Variants in ADAMTS16 observed in about 807,000 individuals in gnomAD.
ADAMTS16 encodes the protein ADAM metallopeptidase with thrombospondin type 1 motif 16.
A neutral mutation model predicts 145.8 loss-of-function variants in ADAMTS16; 94 were observed. That is an observed-to-expected ratio of 0.64 (90% CI 0.55 to 0.77). The LOEUF (loss-of-function observed/expected upper bound fraction) is 0.77, where lower values mean the gene tolerates loss of function less well. Among genes scored for constraint, ADAMTS16 ranks in the 30% least tolerant of loss-of-function variants. ADAMTS16 has a pLI of 0.00. For synonymous variants in ADAMTS16, 659 were observed against 604.3 expected, an observed-to-expected ratio of 1.09 and a Z score of -1.33; for missense variants, 1,585 against 1,591.5, an observed-to-expected ratio of 1.00 and a Z score of 0.07.
chr5:5,262,586 A>C (rs1738070025), intron 17 of ADAMTS16, 71 bp from the exon 18 acceptor site: 2 of 1,539,150 alleles, frequency 1.3e-6, no homozygotes, highest in South Asian at 1.3e-5. Flanking sequence ...AGATTTTATT[A>C]GCTCATCATC....
chr5:5,174,088 C>CT (rs1187672148), intron 3 of ADAMTS16, among the ~76,000 whole-genome samples: 13 of 152,120 alleles, frequency 8.5e-5, no homozygotes, highest in African/African-American at 3.1e-4. Context: ...ATGTTCTTGT[C>CT]TTTCAGACTG....
chr5:5,285,635 T>C (rs1275481748), intron 18 of ADAMTS16, among the ~76,000 whole-genome samples: 1 of 152,220 alleles, frequency 6.6e-6, no homozygotes, highest in Non-Finnish European at 1.5e-5. Flanking sequence ...GCTATTAGTA[T>C]TATAGGAACT....
chr5:5,215,304 C>T (rs1326187715), intron 10 of ADAMTS16, among the ~76,000 whole-genome samples: 1 of 152,164 alleles, frequency 6.6e-6, no homozygotes, highest in Non-Finnish European at 1.5e-5. Flanking sequence ...TAAATAATGA[C>T]AATGCCCTGT....
chr5:5,164,617 C>T (rs1208634442), intron 3 of ADAMTS16, among the ~76,000 whole-genome samples: 1 of 152,206 alleles, frequency 6.6e-6, no homozygotes, highest in Admixed American at 6.5e-5. Flanking sequence ...CCCGCCAGCC[C>T]TGGGCTCACC....
Position 5,262,640 on chromosome 5 carries a change from T to G in ADAMTS16, c.2663-17T>G, listed in dbSNP as rs767103514. 3.3e-5 allele frequency: 53 copies of G among 1,609,528 alleles called. No individual in the cohort carries two copies. The highest frequency in any genetic ancestry group is 3.2e-5 in the Non-Finnish European group (38 of 1,178,252). ...ATGCATGTGAGTCTTTATTCTACAT[T>G]TCATCCTTGCCTGCAGGACAGATGA... On this transcript the variant is annotated splice_polypyrimidine_tract_variant and intron_variant, in intron 17 of 22. Transcript: ENST00000274181.
At position 5,306,580 on chromosome 5, in the gene ADAMTS16, G is replaced by A. The variant is rs374351561; in HGVS notation, c.3263G>A (p.Arg1088Gln). ...CAEKYVSGKY[R>Q]ELASKKCSHL... ...GAAAAGTATGTTTCTGGAAAGTATC[G>A]AGAGCTGGCCTCAAAGAAGTGCTCA... The change falls in exon 21 of 23, where the codon CGA becomes CAA. Residue 1088 changes from arginine (R) to glutamine (Q), a missense_variant. Coordinates refer to ENST00000274181, the MANE Select transcript of ADAMTS16 (RefSeq NM_139056.4). 3.0e-5 allele frequency: 49 copies of A among 1,614,030 alleles called. No homozygotes were observed. The highest frequency in any genetic ancestry group is 3.5e-5 in the Non-Finnish European group (41 of 1,180,050).
intron 9 of ADAMTS16, among the ~76,000 whole-genome samples, chr5:5,203,740 C>T (rs556296403): frequency 5.3e-5 from 8 of 152,152 alleles, no homozygotes; most frequent in African/African-American, 1.9e-4. Context: ...AACAGGGACT[C>T]ATCTTCAGTT....
intron 17 of ADAMTS16, among the ~76,000 whole-genome samples, chr5:5,260,599 CA>C (rs1215315859): frequency 6.6e-6 from 1 of 152,212 alleles, no homozygotes; most frequent in African/African-American, 2.4e-5. Context: ...TATCAATGCT[CA>C]AAGGGCTAAA....
Position 5,302,242 on chromosome 5 carries a change from T to A in ADAMTS16, c.2790-1026T>A, listed in dbSNP as rs958422038. Among the ~76,000 whole-genome samples the A allele has an allele frequency of 2.4e-4, 36 of 152,330 alleles. No individual in the cohort carries two copies. The East Asian group carries it at 6.0e-3, about 25-fold the overall frequency. ...GGGCAAAGCCTGGCTCAGACTCCAC[T>A]CTGCACCCCATCACTTGACAACATG... On this transcript the variant is annotated intron_variant, in intron 18 of 22. Coordinates refer to ENST00000274181, the MANE Select transcript of ADAMTS16 (RefSeq NM_139056.4).
intron 18 of ADAMTS16, among the ~76,000 whole-genome samples, chr5:5,299,372 G>A (rs1207199397): frequency 6.6e-6 from 1 of 152,130 alleles, no homozygotes; most frequent in Non-Finnish European, 1.5e-5. Flanking sequence ...CCCAGACCAG[G>A]GCTGGCCTCT....
intron 3 of ADAMTS16, among the ~76,000 whole-genome samples, chr5:5,167,075 CTCT>C (rs1453567252): frequency 1.3e-5 from 2 of 152,170 alleles, no homozygotes; most frequent in Admixed American, 6.5e-5. Flanking sequence ...TTGTTTATTT[CTCT>C]TCTTCTTTTT....
rs1180424848 is a variant in ADAMTS16, at chr5:5,140,750, C to G, written c.159C>G (p.Gly53=). The G allele has an allele frequency of 6.4e-7, 1 of 1,565,722 alleles. No individual in the cohort carries two copies. Among genetic ancestry groups the G allele is most frequent in the East Asian group, 2.3e-5 (1 of 43,082 alleles). The change falls in exon 2 of 23, where the codon GGC becomes GGG. Residue 53 remains glycine (G), a synonymous_variant. Coordinates refer to ENST00000274181, the MANE Select transcript of ADAMTS16 (RefSeq NM_139056.4). ...CTCCTCCACCCGCGGAGCGGCCGGGCTGGATGGAAAAGGGCGGTAAGTCCG... is the reference window on the plus strand; with the variant it reads ...CTCCTCCACCCGCGGAGCGGCCGGGGTGGATGGAAAAGGGCGGTAAGTCCG... ...PRPPPPAERP[G]WMEKGEYDLV...
At chr5:5,228,717 C>A (rs889295064) in intron 11 of ADAMTS16, among the ~76,000 whole-genome samples, 25 of 152,148 alleles carry the variant, frequency 1.6e-4, no homozygotes, top group African/African-American at 5.8e-4. Context: ...CTTTTCTCCC[C>A]ATCTAATTAG....
chr5:5,183,564 C>T (rs1202662238), intron 4 of ADAMTS16, among the ~76,000 whole-genome samples: 1 of 152,214 alleles, frequency 6.6e-6, no homozygotes, highest in Non-Finnish European at 1.5e-5. Flanking sequence ...ACAGACCACA[C>T]ACCAAGCTCT....
intron 10 of ADAMTS16, among the ~76,000 whole-genome samples, chr5:5,212,204 G>GTTT (rs1560951043): frequency 2.4e-5 from 2 of 84,690 alleles, no homozygotes; most frequent in African/African-American, 3.1e-5. Flanking sequence ...TTTTTGTTTT[G>GTTT]TTTTGTTTTG....
chr5:5,175,774 T>C (rs1560934813), intron 3 of ADAMTS16, among the ~76,000 whole-genome samples: 1 of 152,148 alleles, frequency 6.6e-6, no homozygotes, highest in Non-Finnish European at 1.5e-5. Flanking sequence ...TGTGTTGCTT[T>C]CCACTGTGAT....
At position 5,200,250 on chromosome 5, in the gene ADAMTS16, T is replaced by C; in HGVS notation, c.1432T>C (p.Tyr478His). Reference protein sequence around the residue: ...VFSWSPCSRQYLHKFLSTAQA... With the variant: ...VFSWSPCSRQHLHKFLSTAQA... ...CTCCTGGTCACCCTGCAGCCGCCAG[T>C]ATCTACACAAATTTCTAAGGTAGGA... Residue 478 changes from tyrosine (Y) to histidine (H), a missense_variant, in exon 9 of 23, where the codon TAT becomes CAT. Physicochemically the swap from Tyr to His is moderately conservative, Grantham distance 83 (BLOSUM62 2). Around this residue, in one of 3 missense-constraint regions of ADAMTS16, gnomAD observed 298 missense variants for 367.6 expected, o/e 0.81. Coordinates refer to ENST00000274181, the MANE Select transcript of ADAMTS16 (RefSeq NM_139056.4). The C allele has an allele frequency of 6.2e-7, 1 of 1,613,024 alleles. No individual in the cohort carries two copies. Among genetic ancestry groups the C allele is most frequent in the Non-Finnish European group, 8.5e-7 (1 of 1,179,680 alleles).
intron 8 of ADAMTS16, among the ~76,000 whole-genome samples, chr5:5,193,167 G>GCA (rs61710128): frequency 0.016 from 2,363 of 144,732 alleles, 60 homozygotes; most frequent in African/African-American, 0.058. Flanking sequence ...GTGTGTGCGC[G>GCA]CGCGCACATA....
chr5:5,255,038 G>A (rs1400166788), intron 17 of ADAMTS16, among the ~76,000 whole-genome samples: 1 of 151,868 alleles, frequency 6.6e-6, no homozygotes, highest in Non-Finnish European at 1.5e-5. Flanking sequence ...TATGGTAATT[G>A]GACTACTTAG....
Sources: allele counts gnomAD v4.1 joint callset (sites outside exome capture counted in the v4.1 genomes callset), GRCh38; gene constraint gnomAD v4.1.1; regional missense constraint gnomAD v4.1.1; transcripts MANE v1.5; gene names NCBI Gene and HGNC (gene_info 2026-07-23, HGNC 2026-07-21).